The following STK35 variants were observed in gnomAD, a reference collection of about 807,000 sequenced individuals.
STK35 encodes the protein serine/threonine-protein kinase 35.
STK35 carries 17 observed loss-of-function variants against 37.3 expected under a neutral mutation model. The ratio of observed to expected loss-of-function variants is 0.46; its 90% CI spans 0.31 to 0.68. The LOEUF is 0.68. Ranked by LOEUF, STK35 falls within the 30% of genes least tolerant of loss-of-function variation. The pLI is 0.05. For synonymous variants in STK35, 385 were observed against 319.1 expected (o/e 1.21, Z -2.20); for missense variants, 595 against 746.7 (o/e 0.80, Z 2.37).
intron 2 of STK35, among the ~76,000 whole-genome samples, chr20:2,113,251 CA>C (rs1985653198): frequency 6.6e-6 from 1 of 152,162 alleles, no homozygotes; most frequent in East Asian, 1.9e-4. Flanking sequence ...CCCCCGACCT[CA>C]AAACATCTGC....
intron 3 of STK35, among the ~76,000 whole-genome samples, chr20:2,121,009 G>A (rs1157859635): frequency 6.6e-6 from 1 of 152,164 alleles, no homozygotes; most frequent in African/African-American, 2.4e-5. Context: ...TGAGTCCCAA[G>A]GATTTCTGGG....
At chr20:2,112,618 C>G (rs955054701) in intron 2 of STK35, among the ~76,000 whole-genome samples, 9 of 152,162 alleles carry the variant, frequency 5.9e-5, no homozygotes, top group Non-Finnish European at 4.4e-5. Flanking sequence ...CTCGGGCAGA[C>G]TCTGAAGCCT....
At chr20:2,141,339 G>C (rs919866053) in intron 3 of STK35, among the ~76,000 whole-genome samples, 2 of 152,204 alleles carry the variant, frequency 1.3e-5, no homozygotes, top group Admixed American at 1.3e-4. Flanking sequence ...AGAAGCAGCA[G>C]AGTGAAAGAC....
Position 2,102,088 on chromosome 20 carries a change from G to A in STK35, c.207G>A (p.Arg69=). The A allele has an allele frequency of 6.7e-7, 1 of 1,494,622 alleles. No individual in the cohort carries two copies. The highest frequency in any genetic ancestry group is 8.9e-7 in the Non-Finnish European group (1 of 1,123,014). 92.6% of individuals were successfully genotyped at this position (1,494,622 alleles called of 1,614,324 possible). ...RAATSRAARS[R]RQPGPGADHP... ...CCACCTCCCGCGCTGCTCGGTCCCG[G>A]AGGCAGCCCGGGCCCGGAGCGGACC... Residue 69 remains arginine, a synonymous_variant, in exon 1 of 4, where the codon CGG becomes CGA. Coordinates refer to ENST00000381482, the MANE Select transcript of STK35 (RefSeq NM_080836.4).
In STK35 at chr20:2,102,920, G is replaced by A. The variant is rs549911340; in HGVS notation, c.447G>A (p.Glu149=). ...DGARRGTQSP[E]RKRRSPVPRA... is the part of the protein sequence containing the mutation. Reference sequence around the variant, plus strand: ...CCCGCAGAGGTACACAAAGCCCGGAGCGGAAAAGGCGAAGCCCAGTGCCGC... The same window carrying A: ...CCCGCAGAGGTACACAAAGCCCGGAACGGAAAAGGCGAAGCCCAGTGCCGC... Residue 149 remains glutamate (E), a synonymous_variant, in exon 2 of 4, where the codon GAG becomes GAA. Transcript: ENST00000381482. 4.9e-5 allele frequency: 76 copies of A among 1,550,978 alleles called. No individual in the cohort carries two copies. In the East Asian group the frequency reaches 1.6e-3, roughly 32 times the overall value.
intron 3 of STK35, among the ~76,000 whole-genome samples, chr20:2,126,861 A>G (rs1408378036): frequency 6.6e-6 from 1 of 152,216 alleles, no homozygotes. Flanking sequence ...CATCGTACAC[A>G]GGTCAGAACT....
chr20:2,101,909 C>T lies in STK35; in HGVS notation c.28C>T (p.Arg10Trp). 5 of 1,462,256 alleles carry T rather than the reference C, an allele frequency of 3.4e-6. No individual in the cohort carries two copies. Among genetic ancestry groups the T allele is most frequent in the South Asian group, 1.3e-5 (1 of 76,898 alleles). 90.6% of individuals were successfully genotyped at this position (1,462,256 alleles called of 1,614,324 possible). Residue 10 changes from arginine (R) to tryptophan (W), a missense_variant, in exon 1 of 4, where the codon CGG becomes TGG. Arg to Trp is a moderately radical substitution (Grantham distance 101, BLOSUM62 -3). Coordinates refer to ENST00000381482, the MANE Select transcript of STK35 (RefSeq NM_080836.4). ...GGGCCACCAGGAGTCTCCGCTGGCC[C>T]GGGCGCCGGCGGGAGGTGCAGCTTA... MGHQESPLA[R>W]APAGGAAYVK...
chr20:2,118,794 A>G (rs183568282), intron 3 of STK35, among the ~76,000 whole-genome samples: 2 of 152,380 alleles, frequency 1.3e-5, no homozygotes, highest in African/African-American at 2.4e-5. Flanking sequence ...GTTTAGATAC[A>G]CAAAAACTTA....
intron 3 of STK35, among the ~76,000 whole-genome samples, chr20:2,136,391 C>A (rs558724018): frequency 6.6e-6 from 1 of 152,296 alleles, no homozygotes; most frequent in East Asian, 1.9e-4. Context: ...GGAGCAGCAC[C>A]CTGTAGCATG....
chr20:2,143,864 G>A lies in STK35; in HGVS notation c.*118G>A, dbSNP rs756827210. 2 of 444,452 alleles carry A rather than the reference G, an allele frequency of 4.5e-6. No homozygotes were observed. The highest frequency in any genetic ancestry group is 2.5e-5 in the Admixed American group (1 of 39,470). 27.5% of individuals were successfully genotyped at this position (444,452 alleles called of 1,614,324 possible). On this transcript the variant is annotated 3_prime_UTR_variant, in exon 4 of 4. Coordinates refer to ENST00000381482, the MANE Select transcript of STK35 (RefSeq NM_080836.4). ...GTACAGGTGGTGGCCTGGCCGGTTG[G>A]CGATCTCCCGACAGCTGGATCCGGC...
rs1986221420 is a variant in STK35 at position 2,144,299 on chromosome 20, A to G, written c.*553A>G. 5.1e-6 allele frequency: 1 copy of G among 196,202 alleles called. No individual in the cohort carries two copies. The highest frequency in any genetic ancestry group is 7.8e-5 in the South Asian group (1 of 12,860). 12.2% of individuals were successfully genotyped at this position (196,202 alleles called of 1,614,324 possible). Reference sequence around the variant, plus strand: ...CCTCTGGGCCACGCCTCCCTACCAGATGCAGGAACTCCTGGACTCCTTGGT... The same window carrying G: ...CCTCTGGGCCACGCCTCCCTACCAGGTGCAGGAACTCCTGGACTCCTTGGT... On this transcript the variant is annotated 3_prime_UTR_variant, in exon 4 of 4. Transcript: ENST00000381482.
At position 2,102,053 on chromosome 20, in the gene STK35, G is replaced by A. The variant is rs760252030; in HGVS notation, c.172G>A (p.Ala58Thr). 5 of 1,523,716 alleles carry A rather than the reference G, an allele frequency of 3.3e-6. No homozygotes were observed. Among genetic ancestry groups the A allele is most frequent in the Middle Eastern group, 2.1e-4 (1 of 4,674 alleles). 94.4% of individuals were successfully genotyped at this position (1,523,716 alleles called of 1,614,324 possible). Residue 58 changes from alanine (A) to threonine (T), a missense_variant, in exon 1 of 4, where the codon GCT becomes ACT. Physicochemically the swap from Ala to Thr is moderately conservative, Grantham distance 58. Transcript: ENST00000381482. ...AGCAGAAGGATCCGCTACACGCCGG[G>A]CTCGGGCCGCCACCTCCCGCGCTGC... is the stretch of plus-strand genomic sequence containing the variant. ...AAAEGSATRRARAATSRAARS... is the reference protein window; with the variant it reads ...AAAEGSATRRTRAATSRAARS...
chr20:2,114,401 A>T (rs774751175), intron 2 of STK35, among the ~76,000 whole-genome samples: 10 of 152,126 alleles, frequency 6.6e-5, no homozygotes, highest in Non-Finnish European at 1.5e-4. Context: ...CTATGGTCAC[A>T]CCTCTGCACT....
intron 3 of STK35, among the ~76,000 whole-genome samples, chr20:2,135,606 T>C (rs1986073630): frequency 6.6e-6 from 1 of 152,238 alleles, no homozygotes; most frequent in African/African-American, 2.4e-5. Flanking sequence ...CTCACACCTG[T>C]AATCCCAGCA....
In STK35 at chr20:2,101,916, C is replaced by T. The variant is rs1340060277; in HGVS notation, c.35C>T (p.Pro12Leu). Residue 12 changes from proline (P) to leucine (L), a missense_variant, in exon 1 of 4, where the codon CCG (proline) becomes CTG (leucine). This residue lies in a region of STK35 where 389 missense variants were observed against 320.0 expected (regional missense o/e 1.22). Transcript: ENST00000381482. ...GHQESPLARA[P>L]AGGAAYVKRL... Reference sequence around the variant, plus strand: ...CAGGAGTCTCCGCTGGCCCGGGCGCCGGCGGGAGGTGCAGCTTATGTAAAG... The same window carrying T: ...CAGGAGTCTCCGCTGGCCCGGGCGCTGGCGGGAGGTGCAGCTTATGTAAAG... The T allele has an allele frequency of 3.4e-6, 5 of 1,463,144 alleles. No homozygotes were observed. The highest frequency in any genetic ancestry group is 4.5e-6 in the Non-Finnish European group (5 of 1,104,376). The allele number at this position is 1,463,144 out of a possible 1,614,324, so 90.6% of individuals were successfully genotyped here.
intron 3 of STK35, among the ~76,000 whole-genome samples, chr20:2,139,728 T>G (rs1031251753): frequency 5.3e-5 from 8 of 152,210 alleles, no homozygotes; most frequent in African/African-American, 1.9e-4. Flanking sequence ...AGTGTTGCTT[T>G]ACGAGGTTGT....
At chr20:2,141,408 C>T (rs983300517) in intron 3 of STK35, among the ~76,000 whole-genome samples, 3 of 152,072 alleles carry the variant, frequency 2.0e-5, no homozygotes, top group African/African-American at 4.8e-5. Context: ...TTCTTGGTCA[C>T]CCGCTCCCTG....
intron 3 of STK35, among the ~76,000 whole-genome samples, chr20:2,128,273 G>A (rs1278283945): frequency 6.6e-6 from 1 of 152,160 alleles, no homozygotes; most frequent in African/African-American, 2.4e-5. Flanking sequence ...GCAGACCATT[G>A]CCCTCACCTT....
At chr20:2,119,061 CTT>C (rs1210609452) in intron 3 of STK35, among the ~76,000 whole-genome samples, 1 of 152,228 alleles carries the variant, frequency 6.6e-6, no homozygotes, top group African/African-American at 2.4e-5. Context: ...AAATCAGAGA[CTT>C]TCTCCATCTT....
Sources: allele counts gnomAD v4.1 joint callset (sites outside exome capture counted in the v4.1 genomes callset), GRCh38; gene constraint gnomAD v4.1.1; regional missense constraint gnomAD v4.1.1; transcripts MANE v1.5; gene names NCBI Gene and HGNC (gene_info 2026-07-23, HGNC 2026-07-21).